Variants in TRDN observed in about 807,000 individuals in gnomAD.
TRDN encodes the protein triadin.
Under a neutral mutation model 149.7 loss-of-function variants are expected in TRDN, and 161 were observed. That is an observed-to-expected ratio of 1.08 (90% CI 0.95 to 1.23). The LOEUF (loss-of-function observed/expected upper bound fraction) is 1.23, where lower values mean the gene tolerates loss of function less well. Ranked by LOEUF, TRDN falls within the 50% of genes most tolerant of loss-of-function variation. The pLI, the probability that TRDN is intolerant of heterozygous loss-of-function variation, is 0.00. For missense variants in TRDN, 896 were observed against 823.5 expected (o/e 1.09, Z -1.08); for synonymous variants, 294 against 250.5 (o/e 1.17, Z -1.64).
chr6:123,585,039 T>C (rs781113599), intron 1 of TRDN, among the ~76,000 whole-genome samples: 1 of 151,668 alleles, frequency 6.6e-6, no homozygotes, highest in East Asian at 1.9e-4. Flanking sequence ...GATGGGATAT[T>C]GGCATTGATT....
chr6:123,274,681 G>C lies in TRDN; in HGVS notation c.1568-11C>G, dbSNP rs1777312862. ...TTTTAATTTGGGGCTCTGAGGGAGA[G>C]AAAAGGCAGAAAATTTAAAACCTGA... On this transcript the variant is annotated splice_polypyrimidine_tract_variant and intron_variant, in intron 26 of 40. Transcript: ENST00000334268. The C allele has an allele frequency of 6.2e-7, 1 of 1,603,874 alleles. No individual in the cohort carries two copies. The highest frequency in any genetic ancestry group is 8.5e-7 in the Non-Finnish European group (1 of 1,174,992).
chr6:123,387,036 T>C (rs1450498288), intron 14 of TRDN, among the ~76,000 whole-genome samples: 1 of 152,208 alleles, frequency 6.6e-6, no homozygotes, highest in Non-Finnish European at 1.5e-5. Flanking sequence ...TTAACACTTG[T>C]AGAGTACATT....
At chr6:123,482,705 T>C (rs1261341807) in intron 9 of TRDN, among the ~76,000 whole-genome samples, 1 of 152,190 alleles carries the variant, frequency 6.6e-6, no homozygotes, top group African/African-American at 2.4e-5. Flanking sequence ...TATGACAATA[T>C]TGTACTTTTT....
At chr6:123,255,676 T>A (rs1171859875) in intron 36 of TRDN, among the ~76,000 whole-genome samples, 191 bp downstream of exon 36, 2 of 152,146 alleles carry the variant, frequency 1.3e-5, no homozygotes, top group African/African-American at 2.4e-5. Flanking sequence ...CCATTGCTTC[T>A]TTGACACTGC....
At chr6:123,355,694 T>C (rs1780642463) in intron 20 of TRDN, among the ~76,000 whole-genome samples, 1 of 151,912 alleles carries the variant, frequency 6.6e-6, no homozygotes, top group Middle Eastern at 3.4e-3. Context: ...GGGATTATGA[T>C]GAATTAATAG....
chr6:123,233,990 T>A (rs957397861), intron 38 of TRDN, among the ~76,000 whole-genome samples: 4 of 152,040 alleles, frequency 2.6e-5, no homozygotes, highest in African/African-American at 9.7e-5. Flanking sequence ...CTATTTTATC[T>A]TAATCTACCC....
chr6:123,610,635 T>G (rs118157656), intron 1 of TRDN, among the ~76,000 whole-genome samples: 2,440 of 152,294 alleles, frequency 0.016, 33 homozygotes, highest in Non-Finnish European at 0.024. Flanking sequence ...ATCCATGCTA[T>G]GAGAGCCTAT....
chr6:123,573,947 T>A lies in TRDN; in HGVS notation c.23-2815A>T, dbSNP rs1278322173. Among the ~76,000 whole-genome samples, 3 of 152,014 alleles carry A rather than the reference T, an allele frequency of 2.0e-5. No individual in the cohort carries two copies. The East Asian group carries it at 5.8e-4, about 29-fold the overall frequency. ...AATACTTTAGTTAATAAAGTCTTAC[T>A]CTTCTGGTTTCTTTAGTCATAAAAT... On this transcript the variant is annotated intron_variant, in intron 1 of 40. Coordinates refer to ENST00000334268, the MANE Select transcript of TRDN (RefSeq NM_006073.4).
intron 1 of TRDN, among the ~76,000 whole-genome samples, chr6:123,624,949 C>T (rs761808258): frequency 7.5e-4 from 114 of 152,006 alleles, no homozygotes; most frequent in Non-Finnish European, 3.4e-4. Context: ...TGTGCCTGAC[C>T]GAAAATTTAG....
intron 32 of TRDN, 95 bp downstream of exon 32, chr6:123,267,612 C>T: frequency 2.5e-6 from 2 of 809,236 alleles, no homozygotes; most frequent in Non-Finnish European, 3.7e-6. Flanking sequence ...TACCAGGAAA[C>T]ACAGTGAAAA....
intron 24 of TRDN, among the ~76,000 whole-genome samples, chr6:123,315,299 C>T (rs1007061087): frequency 1.9e-4 from 29 of 151,876 alleles, no homozygotes; most frequent in African/African-American, 7.0e-4. Flanking sequence ...CTCAATATAA[C>T]ATTTTATCTC....
At chr6:123,292,906 A>G (rs545815758) in intron 24 of TRDN, among the ~76,000 whole-genome samples, 1 of 152,250 alleles carries the variant, frequency 6.6e-6, no homozygotes, top group South Asian at 2.1e-4. Context: ...CTTCCTTTGT[A>G]TCACTTTAGC....
Position 123,546,019 on chromosome 6 carries a change from CTT to C in TRDN, c.424+1319_424+1320del, listed in dbSNP as rs571289780. On this transcript the variant is annotated intron_variant, in intron 4 of 40. Coordinates refer to ENST00000334268, the MANE Select transcript of TRDN (RefSeq NM_006073.4). ...AAACATTATTTATCTGTTTTCCCTT[CTT>C]CCATTTCCAATGAAAATAAACGTGC... 2.8e-4 allele frequency among the ~76,000 whole-genome samples: 42 copies of C among 152,174 alleles called. No individual in the cohort carries two copies. In the East Asian group the frequency reaches 5.2e-3, roughly 19 times the overall value.
intron 12 of TRDN, among the ~76,000 whole-genome samples, chr6:123,424,814 G>A (rs944008532): frequency 6.6e-6 from 1 of 152,134 alleles, no homozygotes; most frequent in Non-Finnish European, 1.5e-5. Flanking sequence ...TCTGAGTGAA[G>A]TGGAAGCCTC....
At chr6:123,483,517 A>T (rs1490256971) in intron 9 of TRDN, among the ~76,000 whole-genome samples, 1 of 152,212 alleles carries the variant, frequency 6.6e-6, no homozygotes, top group Non-Finnish European at 1.5e-5. Flanking sequence ...GCAAGCAATT[A>T]ATAATAACAA....
At chr6:123,466,306 A>G (rs1421380684) in intron 9 of TRDN, among the ~76,000 whole-genome samples, 2 of 152,204 alleles carry the variant, frequency 1.3e-5, no homozygotes, top group South Asian at 4.1e-4. Context: ...TAACAATTAC[A>G]TAGTGTTTAC....
chr6:123,255,384 C>T (rs1199472264), intron 36 of TRDN, among the ~76,000 whole-genome samples: 2 of 152,026 alleles, frequency 1.3e-5, no homozygotes, highest in South Asian at 2.1e-4. Flanking sequence ...TTCTGATTAA[C>T]TGGATTTGGA....
chr6:123,548,305 C>T, intron 3 of TRDN, 149 bp downstream of exon 3: 1 of 467,050 alleles, frequency 2.1e-6, no homozygotes, highest in Non-Finnish European at 3.5e-6. Context: ...TGTTTGGCAG[C>T]CTGTTGATAT....
chr6:123,482,010 A>C (rs1777771839), intron 9 of TRDN, among the ~76,000 whole-genome samples: 1 of 152,180 alleles, frequency 6.6e-6, no homozygotes, highest in Non-Finnish European at 1.5e-5. Flanking sequence ...ATATTTGGCA[A>C]AAGGAAGGAA....
Sources: gnomAD v4.1 joint callset for allele counts (sites outside exome capture counted in the v4.1 genomes callset) on GRCh38, gnomAD v4.1.1 for gene constraint, MANE v1.5 for transcripts, NCBI Gene and HGNC (gene_info 2026-07-23, HGNC 2026-07-21) for gene names.